Variants in MYOM1 observed in about 807,000 individuals in gnomAD.
MYOM1 encodes the protein myomesin-1.
A neutral mutation model predicts 205.3 loss-of-function variants in MYOM1; 164 were observed. That is an observed-to-expected ratio of 0.80 (90% CI 0.70 to 0.91). The LOEUF is 0.91. Ranked by LOEUF, MYOM1 falls within the 40% of genes least tolerant of loss-of-function variation. MYOM1 has a pLI of 0.00. For synonymous variants in MYOM1, 772 were observed against 789.4 expected, an observed-to-expected ratio of 0.98 and a Z score of 0.37; for missense variants, 2,011 against 2,127.3, an observed-to-expected ratio of 0.95 and a Z score of 1.08.
rs375987382 is a variant in MYOM1, at chr18:3,137,389, A to T, written c.2026-1659T>A. Among the ~76,000 whole-genome samples the T allele has an allele frequency of 3.9e-5, 6 of 152,280 alleles. 1 individual carries two copies. Among genetic ancestry groups the T allele is most frequent in the Admixed American group, 3.9e-4 (6 of 15,300 alleles). ...TCTGTACTCCCATGTTTATTGCTGCACTCACAAAAGCCAAAATATGGAATC... is the reference window on the plus strand; with the variant it reads ...TCTGTACTCCCATGTTTATTGCTGCTCTCACAAAAGCCAAAATATGGAATC... On this transcript the variant is annotated intron_variant, in intron 14 of 37. Transcript: ENST00000356443.
chr18:3,209,075 A>C lies in MYOM1; in HGVS notation c.290+5859T>G, dbSNP rs1452646325. Among the ~76,000 whole-genome samples the C allele has an allele frequency of 6.6e-6, 1 of 152,236 alleles. No homozygotes were observed. Among genetic ancestry groups the C allele is most frequent in the East Asian group, 1.9e-4 (1 of 5,200 alleles). ...TTATTTCAAGGTGCTTTTCCTATTAAATACCAGAAAAACACTAACAAAAGA... is the reference window on the plus strand; with the variant it reads ...TTATTTCAAGGTGCTTTTCCTATTACATACCAGAAAAACACTAACAAAAGA... On this transcript the variant is annotated intron_variant, in intron 2 of 37. Transcript: ENST00000356443. The surrounding 1 kb of genome is among the most constrained non-coding windows in gnomAD (Gnocchi z 4.0).
At chr18:3,123,611 T>C (rs925367143) in intron 19 of MYOM1, among the ~76,000 whole-genome samples, 1 of 151,762 alleles carries the variant, frequency 6.6e-6, no homozygotes, top group Non-Finnish European at 1.5e-5. Flanking sequence ...ATGGGTTTAG[T>C]TGGGTTGAAT....
intron 22 of MYOM1, among the ~76,000 whole-genome samples, chr18:3,103,103 A>G (rs1346676850): frequency 1.3e-5 from 2 of 152,252 alleles, no homozygotes; most frequent in Non-Finnish European, 2.9e-5. Flanking sequence ...AAGGATAGAG[A>G]TGAAGAACCC....
chr18:3,217,827 A>C (rs2081288392), intron 1 of MYOM1, among the ~76,000 whole-genome samples: 1 of 152,106 alleles, frequency 6.6e-6, no homozygotes, highest in Non-Finnish European at 1.5e-5. Context: ...TATTATAAAA[A>C]TTTAAGATAA....
intron 2 of MYOM1, 27 bp downstream of exon 2, chr18:3,214,907 A>G: frequency 1.9e-6 from 3 of 1,549,814 alleles, no homozygotes; most frequent in Non-Finnish European, 2.6e-6. Context: ...CTGAGGTTGG[A>G]AGGTTGGAGG....
intron 8 of MYOM1, among the ~76,000 whole-genome samples, chr18:3,172,097 GTAC>G (rs1231694366): frequency 2.0e-5 from 3 of 152,196 alleles, no homozygotes; most frequent in South Asian, 2.1e-4. Context: ...AAAAGTCTTA[GTAC>G]ATTGTCTGGC....
intron 36 of MYOM1, among the ~76,000 whole-genome samples, chr18:3,072,221 T>C (rs981757445): frequency 6.6e-6 from 1 of 151,632 alleles, no homozygotes. Flanking sequence ...CAGCTAATTT[T>C]TGTATTTTTA....
intron 20 of MYOM1, among the ~76,000 whole-genome samples, chr18:3,119,028 C>T (rs993148111): frequency 1.3e-5 from 2 of 152,146 alleles, no homozygotes; most frequent in Non-Finnish European, 2.9e-5. Context: ...TAGTTTAAAT[C>T]TTAACGGCTT....
intron 25 of MYOM1, among the ~76,000 whole-genome samples, chr18:3,095,651 T>C (rs971522861): frequency 2.0e-5 from 3 of 152,124 alleles, no homozygotes; most frequent in Non-Finnish European, 4.4e-5. Context: ...TTCAAGAAGG[T>C]TGGTTATCTT....
chr18:3,201,141 G>A (rs757058206), intron 2 of MYOM1, among the ~76,000 whole-genome samples: 1 of 152,188 alleles, frequency 6.6e-6, no homozygotes, highest in African/African-American at 2.4e-5. Context: ...GCTCATGCCT[G>A]TAATCCTAGC....
At chr18:3,242,656 G>A in the MYOM1 span, among the ~76,000 whole-genome samples, 2 of 152,056 alleles carry the variant, frequency 1.3e-5, no homozygotes, top group South Asian at 2.1e-4. Context: ...TTACAGGCAC[G>A]CACCACCACG....
intron 33 of MYOM1, among the ~76,000 whole-genome samples, chr18:3,082,488 C>T (rs1018376438): frequency 4.6e-5 from 7 of 152,198 alleles, no homozygotes; most frequent in Non-Finnish European, 8.8e-5. Context: ...GAGCAGTGCC[C>T]CCCATATTGT....
chr18:3,133,667 T>C (rs1355922183), intron 16 of MYOM1, among the ~76,000 whole-genome samples: 1 of 152,194 alleles, frequency 6.6e-6, no homozygotes. Flanking sequence ...AATATCACGT[T>C]GCATATTAGA....
At chr18:3,225,083 G>A in the MYOM1 span, among the ~76,000 whole-genome samples, 11 of 152,288 alleles carry the variant, frequency 7.2e-5, no homozygotes, top group East Asian at 2.1e-3. Flanking sequence ...CACCTCCCGG[G>A]TTCACACCGT....
upstream of MYOM1, among the ~76,000 whole-genome samples, chr18:3,221,864 A>T (rs1158864550): frequency 6.6e-6 from 1 of 152,188 alleles, no homozygotes; most frequent in Non-Finnish European, 1.5e-5. Flanking sequence ...CGAGTTTTCC[A>T]AGTGTTATGT....
chr18:3,190,219 C>T (rs1355655437), intron 3 of MYOM1, among the ~76,000 whole-genome samples: 1 of 152,184 alleles, frequency 6.6e-6, no homozygotes, highest in African/African-American at 2.4e-5. Flanking sequence ...TAACATATTT[C>T]AATGCCTTTT....
intron 34 of MYOM1, among the ~76,000 whole-genome samples, chr18:3,078,423 ATTTTATTTATTT>A (rs1283351812): frequency 6.8e-6 from 1 of 147,232 alleles, no homozygotes; most frequent in Non-Finnish European, 1.5e-5. Flanking sequence ...AGACTATTTT[ATTTTATTTATTT>A]TTTATTTTTT....
At chr18:3,203,406 T>C (rs1358153842) in intron 2 of MYOM1, among the ~76,000 whole-genome samples, 3 of 151,676 alleles carry the variant, frequency 2.0e-5, no homozygotes, top group Non-Finnish European at 4.4e-5. Flanking sequence ...CTACAAATAA[T>C]AGAAGACACA....
chr18:3,118,535 C>T (rs901437635), intron 20 of MYOM1, among the ~76,000 whole-genome samples: 7 of 152,034 alleles, frequency 4.6e-5, no homozygotes, highest in African/African-American at 1.2e-4. Flanking sequence ...GGCCTCACCA[C>T]GTTGCCCAGC....
Sources: allele counts gnomAD v4.1 joint callset (sites outside exome capture counted in the v4.1 genomes callset), GRCh38; gene constraint gnomAD v4.1.1; non-coding constraint Gnocchi (gnomAD v3.1); transcripts MANE v1.5; gene names NCBI Gene and HGNC (gene_info 2026-07-23, HGNC 2026-07-21).